The following TJP1 variants were observed in gnomAD, a reference collection of about 807,000 sequenced individuals.
TJP1 encodes tight junction protein ZO-1.
TJP1 carries 43 observed loss-of-function variants against 194.2 expected under a neutral mutation model. That is an observed-to-expected ratio of 0.22 (90% confidence interval 0.17 to 0.29). TJP1 has a LOEUF of 0.29. Ranked by LOEUF, TJP1 falls within the 10% of genes least tolerant of loss-of-function variation. The probability of loss-of-function intolerance (pLI) is 1.00; values close to 1 mark genes in which losing one functional copy is unlikely to be tolerated. For synonymous variants in TJP1, 801 were observed against 779.0 expected, an observed-to-expected ratio of 1.03 and a Z score of -0.47; for missense variants, 1,971 against 2,185.7, an observed-to-expected ratio of 0.90 and a Z score of 1.96.
At chr15:29,801,463 ATT>A (rs11334228) in intron 1 of TJP1, among the ~76,000 whole-genome samples, 215 of 131,870 alleles carry the variant, frequency 1.6e-3, no homozygotes, top group Admixed American at 2.1e-3. Flanking sequence ...ATAAATTATT[ATT>A]TTTTTTTTTT....
intron 2 of TJP1, among the ~76,000 whole-genome samples, chr15:29,913,104 A>G (rs189835708): frequency 2.0e-5 from 3 of 152,332 alleles, no homozygotes; most frequent in East Asian, 3.9e-4. Flanking sequence ...GGACAGCACA[A>G]GCAGTCAAAA....
intron 2 of TJP1, among the ~76,000 whole-genome samples, chr15:29,949,724 G>T (rs868206783): frequency 0.019 from 296 of 15,754 alleles, no homozygotes; most frequent in Middle Eastern, 0.036. Flanking sequence ...CACCTCCACC[G>T]CCATCACCTC....
At chr15:29,805,108 G>A (rs1481513455) in intron 1 of TJP1, among the ~76,000 whole-genome samples, 1 of 152,202 alleles carries the variant, frequency 6.6e-6, no homozygotes, top group Non-Finnish European at 1.5e-5. Flanking sequence ...GCAATTCATG[G>A]TTGCTGGATT....
intron 18 of TJP1, among the ~76,000 whole-genome samples, chr15:29,725,838 A>G (rs1411066890): frequency 1.3e-5 from 2 of 152,252 alleles, no homozygotes; most frequent in Non-Finnish European, 2.9e-5. Context: ...AAGGAAATGC[A>G]TGAAGTCGGC....
intron 25 of TJP1, 58 bp from the exon 26 acceptor site, chr15:29,705,803 T>C: frequency 6.9e-7 from 1 of 1,445,612 alleles, no homozygotes; most frequent in Non-Finnish European, 9.7e-7. Context: ...GTGCTTTGCT[T>C]TTACTACTAC....
intron 27 of TJP1, 84 bp from the exon 28 acceptor site, chr15:29,701,773 T>A: frequency 3.3e-6 from 3 of 923,052 alleles, no homozygotes; most frequent in Non-Finnish European, 5.1e-6. Context: ...CAAATACGTA[T>A]ATTTAGACAT....
chr15:29,934,897 T>C (rs2054833951), intron 2 of TJP1, among the ~76,000 whole-genome samples: 2 of 152,230 alleles, frequency 1.3e-5, no homozygotes, highest in African/African-American at 4.8e-5. Flanking sequence ...ACAAAATGTT[T>C]AACAATTTCA....
At chr15:29,855,277 T>C (rs752232547) in intron 2 of TJP1, among the ~76,000 whole-genome samples, 35 of 152,180 alleles carry the variant, frequency 2.3e-4, no homozygotes, top group Admixed American at 9.8e-4. Flanking sequence ...AACTGTAAGG[T>C]ACAAGTTAGT....
intron 2 of TJP1, among the ~76,000 whole-genome samples, chr15:29,955,188 T>C (rs2055891676): frequency 6.6e-6 from 1 of 152,212 alleles, no homozygotes; most frequent in Admixed American, 6.5e-5. Flanking sequence ...TACTTTGATG[T>C]CATTTTTTGA....
chr15:29,711,117 A>G (rs1173245626), intron 23 of TJP1, 117 bp from the exon 24 acceptor site: 1 of 1,259,884 alleles, frequency 7.9e-7, no homozygotes, highest in Admixed American at 2.7e-5. Context: ...TTCACAATTT[A>G]TTCTCATGAG....
At chr15:29,729,106 G>A (rs2043428469) in intron 15 of TJP1, 1 of 152,134 alleles carries the variant, frequency 6.6e-6, no homozygotes, top group Non-Finnish European at 1.5e-5. Flanking sequence ...ATGGGTAAGG[G>A]TTACCACCAA....
At chr15:29,846,427 T>C (rs976783536) in intron 2 of TJP1, among the ~76,000 whole-genome samples, 7 of 152,136 alleles carry the variant, frequency 4.6e-5, no homozygotes, top group Admixed American at 2.0e-4. Flanking sequence ...TAATAACTAC[T>C]TCTCTATTCA....
chr15:29,949,739 A>T (rs1259685385), intron 2 of TJP1, among the ~76,000 whole-genome samples: 5 of 100,496 alleles, frequency 5.0e-5, no homozygotes, highest in East Asian at 4.4e-4. Context: ...CACCTCCACC[A>T]CCACCACCTC....
chr15:29,864,924 A>G (rs922546522), intron 2 of TJP1, among the ~76,000 whole-genome samples: 1 of 152,172 alleles, frequency 6.6e-6, no homozygotes, highest in Admixed American at 6.5e-5. Flanking sequence ...ACTGTTTTCT[A>G]AAATTAAAAC....
intron 8 of TJP1, among the ~76,000 whole-genome samples, chr15:29,751,609 T>C (rs1208566108): frequency 6.6e-6 from 1 of 152,228 alleles, no homozygotes; most frequent in Non-Finnish European, 1.5e-5. Context: ...AATTGTGTTG[T>C]TACACCTTCA....
chr15:29,821,833 C>CCCCGCGGCCCGCGGCCCGCGGCCCGCGG (rs553652689), intron 1 of TJP1, among the ~76,000 whole-genome samples, 169 bp downstream of exon 1: 4 of 145,470 alleles, frequency 2.7e-5, no homozygotes, highest in African/African-American at 9.8e-5. Flanking sequence ...CCGAGGGGCT[C>CCCCGCGGCCCGCGGCCCGCGGCCCGCGG]CCCGCGGCCC....
chr15:29,741,557 G>A (rs2044421875), intron 9 of TJP1, 121 bp from the exon 10 acceptor site: 1 of 641,702 alleles, frequency 1.6e-6, no homozygotes, highest in Non-Finnish European at 2.7e-6. Flanking sequence ...TCTACCATAT[G>A]TATTAGAGTA....
At chr15:29,726,584 C>G in intron 17 of TJP1, 105 bp from the exon 18 acceptor site, 2 of 1,246,592 alleles carry the variant, frequency 1.6e-6, no homozygotes, top group Non-Finnish European at 2.3e-6. Flanking sequence ...AAGATGGTAT[C>G]TGAGGATGCA....
chr15:29,786,815 T>C (rs1320092638), intron 2 of TJP1, among the ~76,000 whole-genome samples: 1 of 152,160 alleles, frequency 6.6e-6, no homozygotes, highest in African/African-American at 2.4e-5. Context: ...TTAAAAACTG[T>C]AAATTAAACG....
Sources: gnomAD v4.1 joint callset for allele counts (sites outside exome capture counted in the v4.1 genomes callset) on GRCh38, gnomAD v4.1.1 for gene constraint, MANE v1.5 for transcripts, NCBI Gene and HGNC (gene_info 2026-07-23, HGNC 2026-07-21) for gene names.